SNTB2: variants seen among roughly 807,000 people sequenced by gnomAD.
SNTB2 encodes the protein beta-2-syntrophin.
Under a neutral mutation model 46.2 loss-of-function variants are expected in SNTB2, and 34 were observed. The observed-to-expected ratio is 0.74, with a 90% CI of 0.56 to 0.98. The LOEUF (loss-of-function observed/expected upper bound fraction) is 0.98. SNTB2 is among the 50% of genes least tolerant of loss of function. The pLI is 0.00. For synonymous variants in SNTB2, 290 were observed against 312.6 expected, an observed-to-expected ratio of 0.93 and a Z score of 0.76; for missense variants, 603 against 731.4, an observed-to-expected ratio of 0.82 and a Z score of 2.02.
At chr16:69,198,220 T>C (rs996776437) in intron 1 of SNTB2, among the ~76,000 whole-genome samples, 2 of 151,176 alleles carry the variant, frequency 1.3e-5, no homozygotes, top group African/African-American at 4.9e-5. Flanking sequence ...GCGATTCTCC[T>C]GCCTCAGCCT....
intron 4 of SNTB2, among the ~76,000 whole-genome samples, chr16:69,273,559 T>C (rs1028941645): frequency 3.9e-5 from 6 of 152,314 alleles, no homozygotes; most frequent in African/African-American, 1.4e-4. Context: ...AGATTAGTGG[T>C]TGCCGGCGGG....
At chr16:69,211,622 G>C (rs561689685) in intron 1 of SNTB2, among the ~76,000 whole-genome samples, 2 of 151,966 alleles carry the variant, frequency 1.3e-5, no homozygotes, top group South Asian at 4.1e-4. Flanking sequence ...TAATTGGTTT[G>C]TTTGTTTTAC....
chr16:69,251,468 TAAAA>T (rs71148976), intron 2 of SNTB2, among the ~76,000 whole-genome samples: 1 of 106,128 alleles, frequency 9.4e-6, no homozygotes, highest in Admixed American at 1.1e-4. Flanking sequence ...ATGTTTAGTT[TAAAA>T]AAAAAAAAAA....
chr16:69,254,480 T>A (rs946973011), intron 2 of SNTB2, among the ~76,000 whole-genome samples: 1 of 152,208 alleles, frequency 6.6e-6, no homozygotes, highest in African/African-American at 2.4e-5. Context: ...TTATGCTTTT[T>A]AAAAAATCCC....
chr16:69,250,162 C>G (rs911546925), intron 2 of SNTB2, among the ~76,000 whole-genome samples: 4 of 152,058 alleles, frequency 2.6e-5, no homozygotes, highest in African/African-American at 9.7e-5. Flanking sequence ...AAGGTTATTC[C>G]TATGTTGATA....
chr16:69,196,062 AC>A (rs1964102414), intron 1 of SNTB2, among the ~76,000 whole-genome samples: 1 of 152,114 alleles, frequency 6.6e-6, no homozygotes, highest in South Asian at 2.1e-4. Flanking sequence ...ACATGGCGAG[AC>A]CCTGTCTCTA....
intron 3 of SNTB2, among the ~76,000 whole-genome samples, chr16:69,269,599 CTATG>C (rs764217860): frequency 6.6e-6 from 1 of 152,010 alleles, no homozygotes; most frequent in Non-Finnish European, 1.5e-5. Flanking sequence ...ATTCAACTAT[CTATG>C]TATGTATATA....
At chr16:69,193,219 C>G (rs890212697) in intron 1 of SNTB2, among the ~76,000 whole-genome samples, 20 of 148,150 alleles carry the variant, frequency 1.3e-4, no homozygotes, top group African/African-American at 4.5e-4. Flanking sequence ...AGTGAGACCC[C>G]ATCTGTATTT....
intron 5 of SNTB2, among the ~76,000 whole-genome samples, chr16:69,296,810 C>T (rs1241108796): frequency 6.6e-6 from 1 of 151,882 alleles, no homozygotes; most frequent in Admixed American, 6.6e-5. Flanking sequence ...AGTTTGAGAC[C>T]AGCCTGGCCA....
chr16:69,289,851 G>C (rs533685372), intron 5 of SNTB2, among the ~76,000 whole-genome samples: 1 of 152,204 alleles, frequency 6.6e-6, no homozygotes, highest in Admixed American at 6.6e-5. Context: ...GAGCCCGAGA[G>C]GTCAAGGATT....
intron 3 of SNTB2, among the ~76,000 whole-genome samples, chr16:69,265,544 G>A (rs1964875400): frequency 6.6e-6 from 1 of 151,820 alleles, no homozygotes; most frequent in African/African-American, 2.4e-5. Context: ...AATAAAATTT[G>A]GAGGCCCGGA....
rs940722414 is a variant in SNTB2 at position 69,304,685 on chromosome 16, A to T, written c.*3761A>T. On this transcript the variant is annotated 3_prime_UTR_variant, in exon 7 of 7. Coordinates refer to ENST00000336278, the MANE Select transcript of SNTB2 (RefSeq NM_006750.4). Reference sequence around the variant, plus strand: ...TTTTTTTCCTTCTTTTTTTTTTGAGACAGGTTCTCACTCTGTCACCGAGGT... The same window carrying T: ...TTTTTTTCCTTCTTTTTTTTTTGAGTCAGGTTCTCACTCTGTCACCGAGGT... 3.3e-5 allele frequency: 5 copies of T among 151,098 alleles called. No homozygotes were observed. Among genetic ancestry groups the T allele is most frequent in the Admixed American group, 1.3e-4 (2 of 15,128 alleles). 9.4% of individuals were successfully genotyped at this position (151,098 alleles called of 1,614,324 possible).
intron 2 of SNTB2, among the ~76,000 whole-genome samples, chr16:69,256,161 G>A (rs1269140500): frequency 6.6e-6 from 1 of 152,080 alleles, no homozygotes; most frequent in African/African-American, 2.4e-5. Context: ...ACTCCAGCCT[G>A]GGTGAAAGAG....
chr16:69,251,225 G>A (rs1175618515), intron 2 of SNTB2, among the ~76,000 whole-genome samples: 4 of 151,248 alleles, frequency 2.6e-5, no homozygotes, highest in Non-Finnish European at 5.9e-5. Context: ...TGATCTGCCC[G>A]CCTCGGCCTC....
At chr16:69,234,301 C>G (rs1464132581) in intron 1 of SNTB2, among the ~76,000 whole-genome samples, 2 of 152,134 alleles carry the variant, frequency 1.3e-5, no homozygotes, top group East Asian at 3.8e-4. Context: ...CCACTGGACT[C>G]CAGCCTGGGC....
chr16:69,267,030 C>CT (rs766798193), intron 3 of SNTB2, among the ~76,000 whole-genome samples: 265 of 142,792 alleles, frequency 1.9e-3, no homozygotes, highest in Admixed American at 3.9e-3. Context: ...ATCAGTTTAT[C>CT]TTTTTTTTTT....
At chr16:69,267,004 A>T (rs1038641901) in intron 3 of SNTB2, among the ~76,000 whole-genome samples, 4 of 151,692 alleles carry the variant, frequency 2.6e-5, no homozygotes, top group Admixed American at 2.6e-4. Context: ...AGCCAGTAAA[A>T]CATTTACTTT....
Position 69,299,586 on chromosome 16 carries a change from A to G in SNTB2, c.1346-4A>G. ...AACTAATGTTTTTTGCTTTTCTTCA[A>G]CAGGCTGCATGTTAAATGGCCAAGA... On this transcript the variant is annotated splice_region_variant and splice_polypyrimidine_tract_variant and intron_variant, in intron 5 of 6. Coordinates refer to ENST00000336278, the MANE Select transcript of SNTB2 (RefSeq NM_006750.4). 1 of 1,610,930 alleles carries G rather than the reference A, an allele frequency of 6.2e-7. No individual in the cohort carries two copies. Among genetic ancestry groups the G allele is most frequent in the Non-Finnish European group, 8.5e-7 (1 of 1,178,058 alleles).
intron 1 of SNTB2, among the ~76,000 whole-genome samples, chr16:69,223,488 C>A (rs902832899): frequency 6.6e-6 from 1 of 152,156 alleles, no homozygotes; most frequent in South Asian, 2.1e-4. Context: ...AGCCACCACA[C>A]CCAGCCAACA....
Sources: allele counts gnomAD v4.1 joint callset (sites outside exome capture counted in the v4.1 genomes callset), GRCh38; gene constraint gnomAD v4.1.1; transcripts MANE v1.5; gene names NCBI Gene and HGNC (gene_info 2026-07-23, HGNC 2026-07-21).